Variants in WDR93 observed in about 807,000 individuals in gnomAD.
The protein encoded by WDR93 is WD repeat-containing protein 93.
A neutral mutation model predicts 82.9 loss-of-function variants in WDR93; 73 were observed. The ratio of observed to expected loss-of-function variants is 0.88; its 90% confidence interval spans 0.73 to 1.07. The LOEUF (loss-of-function observed/expected upper bound fraction) is 1.07. Ranked by LOEUF, WDR93 falls within the 50% of genes least tolerant of loss-of-function variation. The pLI, the probability that WDR93 is intolerant of heterozygous loss-of-function variation, is 0.00. For missense variants in WDR93, 738 were observed against 826.0 expected (o/e 0.89, Z 1.31); for synonymous variants, 283 against 300.1 (o/e 0.94, Z 0.59).
In WDR93 at chr15:89,715,032, C is replaced by G. The variant is rs1202268479; in HGVS notation, c.693C>G (p.Leu231=). 2 of 1,614,034 alleles carry G rather than the reference C, an allele frequency of 1.2e-6. No individual in the cohort carries two copies. The highest frequency in any genetic ancestry group is 1.7e-6 in the Non-Finnish European group (2 of 1,179,982). ...ATAAATTGCCCAAGGAGACTTGGCT[C>G]AAGAAACTAGAGCACCCCCAACTCA... The part of the protein sequence containing the change: ...DVYKLPKETW[L]KKLEHPQLTS... Residue 231 remains leucine, a synonymous_variant, in exon 6 of 17, where the codon CTC becomes CTG. Coordinates refer to ENST00000268130, the MANE Select transcript of WDR93 (RefSeq NM_020212.2).
In WDR93 at chr15:89,710,190, CAT is replaced by C. The variant is rs539654433; in HGVS notation, c.562-1834_562-1833del. 5.9e-5 allele frequency among the ~76,000 whole-genome samples: 9 copies of C among 152,160 alleles called. No homozygotes were observed. The East Asian group carries it at 1.5e-3, about 26-fold the overall frequency. ...AAAAACAAAAACGAAAACAAAAAAA[CAT>C]AATCAGAGAACAAATAAAAATTTGT... On this transcript the variant is annotated intron_variant, in intron 4 of 16. Transcript: ENST00000268130.
intron 4 of WDR93, among the ~76,000 whole-genome samples, chr15:89,710,786 A>G (rs1965940056): frequency 6.6e-6 from 1 of 152,152 alleles, no homozygotes; most frequent in Non-Finnish European, 1.5e-5. Flanking sequence ...ACAACTTTGG[A>G]AGTTGTGAGG....
Position 89,701,887 on chromosome 15 carries a change from TGAG to T in WDR93, c.145_147del (p.Glu49del), listed in dbSNP as rs1346059888. 3 of 1,614,096 alleles carry T rather than the reference TGAG, an allele frequency of 1.9e-6. No homozygotes were observed. Among genetic ancestry groups the T allele is most frequent in the Non-Finnish European group, 2.5e-6 (3 of 1,180,044 alleles). On this transcript the variant is annotated inframe_deletion, in exon 2 of 17. Coordinates refer to ENST00000268130, the MANE Select transcript of WDR93 (RefSeq NM_020212.2). ...AGGATCATGTCCTCGTGGATCCAGA[TGAG>T]GAGCTGGATTCCTTGCCTCAGCCTT... is the stretch of plus-strand genomic sequence containing the variant.
At chr15:89,727,754 T>C (rs1456101050) in intron 9 of WDR93, among the ~76,000 whole-genome samples, 1 of 151,946 alleles carries the variant, frequency 6.6e-6, no homozygotes, top group Non-Finnish European at 1.5e-5. Flanking sequence ...CTCTAAAAAT[T>C]TTTTTTTCTT....
At chr15:89,737,461 G>C in intron 14 of WDR93, 112 bp from the exon 15 acceptor site, 2 of 1,401,018 alleles carry the variant, frequency 1.4e-6, no homozygotes, top group Non-Finnish European at 2.0e-6. Flanking sequence ...GGGCCCAAGA[G>C]GTTTTATGTC....
chr15:89,711,630 T>G (rs919972768), intron 4 of WDR93, among the ~76,000 whole-genome samples: 1 of 152,006 alleles, frequency 6.6e-6, no homozygotes, highest in Admixed American at 6.6e-5. Flanking sequence ...GTCTCTACCA[T>G]AGTCTAAATA....
chr15:89,739,946 C>A (rs1967523961), intron 16 of WDR93, among the ~76,000 whole-genome samples: 1 of 152,190 alleles, frequency 6.6e-6, no homozygotes, highest in African/African-American at 2.4e-5. Context: ...GGTCTGGAGC[C>A]AAACAGACCT....
At chr15:89,739,715 C>A (rs1171916727) in intron 16 of WDR93, among the ~76,000 whole-genome samples, 1 of 152,210 alleles carries the variant, frequency 6.6e-6, no homozygotes, top group Non-Finnish European at 1.5e-5. Context: ...GTGGCTCTGG[C>A]AGGTTCCTTT....
At position 89,729,727 on chromosome 15, in the gene WDR93, T is replaced by C. The variant is rs142143940; in HGVS notation, c.1168T>C (p.Phe390Leu). 28 of 1,613,324 alleles carry C rather than the reference T, an allele frequency of 1.7e-5. No homozygotes were observed. Among genetic ancestry groups the C allele is most frequent in the Non-Finnish European group, 2.4e-5 (28 of 1,179,890 alleles). Residue 390 changes from phenylalanine to leucine, a missense_variant, in exon 11 of 17, where the codon TTC becomes CTC. By Grantham distance (22) the Phe-to-Leu change is conservative. Transcript: ENST00000268130. The stretch of plus-strand genomic sequence containing the variant: ...TATACACTGGACCAGAAGTCACAAT[T>C]TCTTCCTGTATTCACTAAACCGAAC... ...LGIHWTRSHN[F>L]FLYSLNRTLK...
chr15:89,692,383 C>T (rs1437804773), intron 1 of WDR93, among the ~76,000 whole-genome samples: 1 of 152,130 alleles, frequency 6.6e-6, no homozygotes, highest in Non-Finnish European at 1.5e-5. Flanking sequence ...GAAAGAGCCT[C>T]GAAGAGAGCC....
At chr15:89,729,831 G>C in intron 11 of WDR93, 62 bp downstream of exon 11, 1 of 1,376,800 alleles carries the variant, frequency 7.3e-7, no homozygotes, top group Non-Finnish European at 1.0e-6. Flanking sequence ...TCCTTCTCCA[G>C]CTTAGCTAAG....
chr15:89,718,014 T>C (rs1468378771), intron 7 of WDR93, among the ~76,000 whole-genome samples: 2 of 152,144 alleles, frequency 1.3e-5, no homozygotes, highest in African/African-American at 4.8e-5. Flanking sequence ...GAAGTGGAAG[T>C]ATCTCGCTAG....
intron 16 of WDR93, among the ~76,000 whole-genome samples, chr15:89,739,630 C>G (rs915053983): frequency 2.6e-5 from 4 of 152,162 alleles, no homozygotes; most frequent in African/African-American, 9.7e-5. Context: ...TGGGATCTGA[C>G]CACACATTTC....
chr15:89,699,234 A>G (rs1716102111), intron 1 of WDR93, among the ~76,000 whole-genome samples: 1 of 152,022 alleles, frequency 6.6e-6, no homozygotes, highest in Admixed American at 6.6e-5. Context: ...CAATTTTTGT[A>G]TGTCTAAAAA....
Position 89,691,457 on chromosome 15 carries a change from G to A in WDR93, c.-41+600G>A, listed in dbSNP as rs901729773. ...AAGGTCGGCCGGTGCTGTGGCTTACGCCTGTAATCCCAACACTTTGGGAGC... is the reference window on the plus strand; with the variant it reads ...AAGGTCGGCCGGTGCTGTGGCTTACACCTGTAATCCCAACACTTTGGGAGC... On this transcript the variant is annotated intron_variant, in intron 1 of 16. Transcript: ENST00000268130. Among the ~76,000 whole-genome samples, 5 of 152,318 alleles carry A rather than the reference G, an allele frequency of 3.3e-5. No individual in the cohort carries two copies. The East Asian group carries it at 7.7e-4, about 24-fold the overall frequency.
intron 8 of WDR93, among the ~76,000 whole-genome samples, chr15:89,726,226 T>A (rs921613365): frequency 2.6e-5 from 4 of 152,212 alleles, no homozygotes; most frequent in Admixed American, 1.3e-4. Flanking sequence ...AGTTCAAGCC[T>A]AGCCTGGGCA....
intron 2 of WDR93, among the ~76,000 whole-genome samples, chr15:89,702,722 A>G (rs1278142538): frequency 6.6e-6 from 1 of 152,050 alleles, no homozygotes; most frequent in Admixed American, 6.6e-5. Flanking sequence ...TATTTTTAGT[A>G]GAGATGGGGT....
At chr15:89,712,180 C>A in intron 5 of WDR93, 76 bp downstream of exon 5, 1 of 1,180,950 alleles carries the variant, frequency 8.5e-7, no homozygotes, top group South Asian at 1.5e-5. Context: ...TTTTGTCCCT[C>A]CAAACCTTTT....
chr15:89,705,500 T>C (rs1361400076), intron 3 of WDR93, 54 bp from the exon 4 acceptor site: 1 of 1,128,468 alleles, frequency 8.9e-7, no homozygotes, highest in Non-Finnish European at 1.4e-6. Context: ...AATTTCCAGT[T>C]TCTCTTCAGC....
Sources: allele counts gnomAD v4.1 joint callset (sites outside exome capture counted in the v4.1 genomes callset), GRCh38; gene constraint gnomAD v4.1.1; transcripts MANE v1.5; gene names NCBI Gene and HGNC (gene_info 2026-07-23, HGNC 2026-07-21).